Variants in MED12 observed in about 807,000 individuals in gnomAD.
MED12 encodes mediator of RNA polymerase II transcription subunit 12.
A neutral mutation model predicts 177.7 loss-of-function variants in MED12; 10 were observed. That is an observed-to-expected ratio of 0.06 (90% CI 0.03 to 0.10). The LOEUF is 0.10. Ranked by LOEUF, MED12 falls within the 10% of genes least tolerant of loss-of-function variation. MED12 has a pLI of 1.00. For missense variants in MED12, 867 were observed against 1,780.8 expected (o/e 0.49, Z 9.23); for synonymous variants, 641 against 678.4 (o/e 0.94, Z 0.86).
intron 40 of MED12, 43 bp from the exon 41 acceptor site, chrX:71,137,683 G>A (rs2092336176): frequency 8.3e-7 from 1 of 1,200,753 alleles, no homozygotes; most frequent in South Asian, 1.8e-5. Flanking sequence ...AAGCTGCTCT[G>A]CATACTCTCG....
At chrX:71,130,284 G>C (rs2092313660) in intron 28 of MED12, 70 bp downstream of exon 28, 4 of 1,020,877 alleles carry the variant, frequency 3.9e-6, no homozygotes, top group Non-Finnish European at 5.4e-6. Flanking sequence ...TAGGAACCTT[G>C]AGAAAAGGAG....
chrX:71,137,998 G>C (rs991324482), intron 41 of MED12, 55 bp downstream of exon 41: 2 of 1,130,047 alleles, frequency 1.8e-6, no homozygotes, highest in Non-Finnish European at 2.4e-6. Context: ...GGGAGCATTT[G>C]ACTTGGGAAA....
chrX:71,129,897 G>A lies in MED12; in HGVS notation c.3867+42G>A, dbSNP rs186731406. On this transcript the variant is annotated intron_variant, in intron 27 of 44. Transcript: ENST00000374080. ...TCCCACACCTCCTAAATGCCTCTGTGTAATATAGTTCTGTTTCCAGCCCAT... is the reference window on the plus strand; with the variant it reads ...TCCCACACCTCCTAAATGCCTCTGTATAATATAGTTCTGTTTCCAGCCCAT... 356 of 1,200,079 alleles carry A rather than the reference G, an allele frequency of 3.0e-4. 1 individual carries two copies. In the African/African-American group the frequency reaches 5.2e-3, roughly 18 times the overall value.
intron 24 of MED12, 102 bp downstream of exon 24, chrX:71,128,820 GCTCCCTGGCCTTCCTCA>G: frequency 9.9e-7 from 1 of 1,011,962 alleles, no homozygotes; most frequent in Non-Finnish European, 1.4e-6. Flanking sequence ...CCTTGCTGCG[GCTCCCTGGCCTTCCTCA>G]GAAGGCCAGT....
At position 71,142,319 on chromosome X, in the gene MED12, C is replaced by A. The variant is rs2092350356; in HGVS notation, c.*101C>A. On this transcript the variant is annotated 3_prime_UTR_variant, in exon 45 of 45. Coordinates refer to ENST00000374080, the MANE Select transcript of MED12 (RefSeq NM_005120.3). ...TAGCACCAGTAGTGGTTGGGGCCCT[C>A]CCCTCAGGCTCCATTTTTAATAAGT... The A allele has an allele frequency of 3.6e-6, 3 of 840,265 alleles. No homozygotes were observed. The highest frequency in any genetic ancestry group is 3.6e-6 in the Non-Finnish European group (2 of 563,163). The allele number at this position is 840,265 out of a possible 1,213,427, so 69.2% of individuals were successfully genotyped here.
At position 71,140,735 on chromosome X, in the gene MED12, C is replaced by G. The variant is rs756758050; in HGVS notation, c.6145C>G (p.Pro2049Ala). 8.3e-7 allele frequency: 1 copy of G among 1,209,078 alleles called. No homozygotes were observed. The highest frequency in any genetic ancestry group is 1.1e-6 in the Non-Finnish European group (1 of 895,068). The change falls in exon 42 of 45, where the codon CCT becomes GCT. Residue 2049 changes from proline to alanine, a missense_variant. By Grantham distance (27) the Pro-to-Ala change is conservative. This residue lies in a region of MED12 where 236 missense variants were observed against 345.2 expected (regional missense o/e 0.68). Coordinates refer to ENST00000374080, the MANE Select transcript of MED12 (RefSeq NM_005120.3). ...QAGVRSTAIL[P>A]EQQQQQQQQQ... ...AGGCGTCCGTTCAACAGCCATCCTA[C>G]CTGAGCAGCAGCAGCAGCAGCAACA...
At position 71,123,664 on chromosome X, in the gene MED12, C is replaced by T. The variant is rs2147788024; in HGVS notation, c.1688C>T (p.Ala563Val). Residue 563 changes from alanine to valine, a missense_variant, in exon 12 of 45, where the codon GCT becomes GTT. This residue lies in a region of MED12 where 309 missense variants were observed against 556.3 expected (regional missense o/e 0.56). Transcript: ENST00000374080. ...IASGSLSAPS[A>V]PIFQDVLLQF... is the part of the protein sequence containing the mutation. ...TCTGGCTCCCTTTCTGCTCCCAGTGCTCCCATTTTCCAGGATGTCCTCCTG... is the reference window on the plus strand; with the variant it reads ...TCTGGCTCCCTTTCTGCTCCCAGTGTTCCCATTTTCCAGGATGTCCTCCTG... 2 of 1,208,448 alleles carry T rather than the reference C, an allele frequency of 1.7e-6. No individual in the cohort carries two copies. Among genetic ancestry groups the T allele is most frequent in the Non-Finnish European group, 2.2e-6 (2 of 893,430 alleles).
chrX:71,127,153 A>G (rs2147798718), intron 20 of MED12, 21 bp downstream of exon 20: 1 of 1,200,609 alleles, frequency 8.3e-7, no homozygotes, highest in South Asian at 1.8e-5. Flanking sequence ...CTTCGGAATA[A>G]CTGAAACAAA....
At position 71,136,032 on chromosome X, in the gene MED12, A is replaced by T. The variant is rs12839587; in HGVS notation, c.5026-249A>T. Among the ~76,000 whole-genome samples, 23,140 of 95,354 alleles carry T rather than the reference A, an allele frequency of 0.24. 2,669 individuals are homozygous for T. Among genetic ancestry groups the T allele is most frequent in the Middle Eastern group, 0.49 (91 of 184 alleles). The allele number at this position is 95,354 out of a possible 115,157, so 82.8% of individuals were successfully genotyped here. A position where few individuals can be genotyped will look rare whatever the true frequency, so the allele number is the denominator to read the frequency against. On this transcript the variant is annotated intron_variant, in intron 36 of 44. Transcript: ENST00000374080. ...CTCCCCACACGCCCCCCGCCCCGTT[A>T]GTTCATCTCCTCTCCTGGTCTGGGC...
chrX:71,141,258 A>C lies in MED12; in HGVS notation c.6296A>C (p.Gln2099Pro), dbSNP rs1187479289. Residue 2099 changes from glutamine (Q) to proline (P), a missense_variant, in exon 43 of 45, where the codon CAG becomes CCG. Transcript: ENST00000374080. ...CAGCAGCAACAGCAACAGCAGCAGC[A>C]GCAGCAGCAGCAACAGCAACAGCAG... ...RQQQQQQQQQ[Q>P]QQQQQQQQQQ... 2 of 1,161,870 alleles carry C rather than the reference A, an allele frequency of 1.7e-6. No homozygotes were observed. Among genetic ancestry groups the C allele is most frequent in the Non-Finnish European group, 1.2e-6 (1 of 869,555 alleles).
At chrX:71,132,590 G>A (rs1480165255) in intron 31 of MED12, 52 bp downstream of exon 31, 1 of 1,137,607 alleles carries the variant, frequency 8.8e-7, no homozygotes, top group African/African-American at 1.8e-5. Context: ...AGGAGAAGAG[G>A]CAGGCCCGGG....
chrX:71,135,064 C>T (rs773077130), intron 35 of MED12, 28 bp from the exon 36 acceptor site: 1 of 1,210,628 alleles, frequency 8.3e-7, no homozygotes, highest in South Asian at 1.8e-5. Context: ...TATCTCTGAA[C>T]TCTTGTCCCA....
intron 15 of MED12, 85 bp from the exon 16 acceptor site, chrX:71,125,266 T>C: frequency 8.4e-7 from 1 of 1,196,812 alleles, no homozygotes; most frequent in Non-Finnish European, 1.1e-6. Context: ...GGCTTTAGCA[T>C]GTGGATGCTG....
intron 28 of MED12, among the ~76,000 whole-genome samples, chrX:71,131,050 A>G (rs2092315668): frequency 8.9e-6 from 1 of 112,392 alleles, no homozygotes; most frequent in Non-Finnish European, 1.9e-5. Context: ...AGGGATGGGA[A>G]AGATGTGAAA....
rs1006243110 is a variant in MED12 at position 71,131,515 on chromosome X, T to C, written c.4048-35T>C. The C allele has an allele frequency of 3.3e-6, 4 of 1,194,140 alleles. No individual in the cohort carries two copies. In the African/African-American group the frequency reaches 5.3e-5, roughly 16 times the overall value. On this transcript the variant is annotated intron_variant, in intron 28 of 44. Transcript: ENST00000374080. The stretch of plus-strand genomic sequence containing the variant: ...TGTTGGGTAGCTGGGGGTAACACGA[T>C]GATGACTAGCCTGGGTGTGGGGCCT...
rs1246538442 is a variant in MED12, at chrX:71,132,906, G to A, written c.4477G>A (p.Asp1493Asn). 1.7e-6 allele frequency: 2 copies of A among 1,187,619 alleles called. No homozygotes were observed. Among genetic ancestry groups the A allele is most frequent in the African/African-American group, 3.5e-5 (2 of 56,391 alleles). ...SLVLTCLKGQ[D>N]EQREGLLTSL... ...GGTGCTAACATGTCTGAAAGGGCAG[G>A]ATGAACAACGCGAGGGACTCCTTAC... The change falls in exon 32 of 45, where the codon GAT becomes AAT. Residue 1493 changes from aspartate to asparagine, a missense_variant. This residue lies in a region of MED12 where 17 missense variants were observed against 76.7 expected (regional missense o/e 0.22). Coordinates refer to ENST00000374080, the MANE Select transcript of MED12 (RefSeq NM_005120.3).
At position 71,121,268 on chromosome X, in the gene MED12, C is replaced by A. The variant is rs1042990292; in HGVS notation, c.736-59C>A. ...CCAGTTGTGGTTCTCTTCATCTTTT[C>A]ATTTACTTTATCTGCTTCATCTCTA... On this transcript the variant is annotated intron_variant, in intron 5 of 44. Coordinates refer to ENST00000374080, the MANE Select transcript of MED12 (RefSeq NM_005120.3). 1.3e-5 allele frequency: 10 copies of A among 796,951 alleles called. No individual in the cohort carries two copies. In the African/African-American group the frequency reaches 1.7e-4, roughly 14 times the overall value. 65.7% of individuals were successfully genotyped at this position (796,951 alleles called of 1,213,427 possible). A position where few individuals can be genotyped will look rare whatever the true frequency, so the allele number is the denominator to read the frequency against.
At position 71,119,441 on chromosome X, in the gene MED12, T is replaced by C. The variant is rs760138274; in HGVS notation, c.168T>C (p.His56=). 2 of 1,198,656 alleles carry C rather than the reference T, an allele frequency of 1.7e-6. No individual in the cohort carries two copies. Among genetic ancestry groups the C allele is most frequent in the South Asian group, 3.6e-5 (2 of 54,928 alleles). The change falls in exon 2 of 45, where the codon CAT becomes CAC. Residue 56 remains histidine, a synonymous_variant. Coordinates refer to ENST00000374080, the MANE Select transcript of MED12 (RefSeq NM_005120.3). ...NNQPAVSGDE[H]GSAKNVSFNP... is the part of the protein sequence containing the mutation. ...AGCCTGCTGTCTCTGGGGATGAGCA[T>C]GGCAGTGCCAAGAACGTCAGCTTCA... is the stretch of plus-strand genomic sequence containing the variant.
intron 44 of MED12, 66 bp downstream of exon 44, chrX:71,142,030 G>A: frequency 8.7e-7 from 1 of 1,147,340 alleles, no homozygotes; most frequent in Admixed American, 2.2e-5. Flanking sequence ...GTGGGCCAAA[G>A]TAGCTGAAAC....
Sources: allele counts gnomAD v4.1 joint callset (sites outside exome capture counted in the v4.1 genomes callset), GRCh38; gene constraint gnomAD v4.1.1; regional missense constraint gnomAD v4.1.1; transcripts MANE v1.5; gene names NCBI Gene and HGNC (gene_info 2026-07-23, HGNC 2026-07-21).